PRUNE2: variants seen among roughly 807,000 people sequenced by gnomAD.
PRUNE2 encodes prune homolog 2 with BCH domain, also known as protein prune homolog 2.
PRUNE2 carries 164 observed loss-of-function variants against 252.0 expected under a neutral mutation model. The observed-to-expected ratio is 0.65, with a 90% CI of 0.57 to 0.74. The LOEUF is 0.74. Among genes scored for constraint, PRUNE2 ranks in the 30% least tolerant of loss-of-function variants. PRUNE2 has a pLI of 0.00. For missense variants in PRUNE2, 3,495 were observed against 3,711.0 expected, an observed-to-expected ratio of 0.94 and a Z score of 1.51; for synonymous variants, 1,292 against 1,350.2, an observed-to-expected ratio of 0.96 and a Z score of 0.94.
intron 6 of PRUNE2, among the ~76,000 whole-genome samples, chr9:76,719,830 A>T (rs571660664): frequency 1.6e-3 from 248 of 152,070 alleles, no homozygotes; most frequent in African/African-American, 5.6e-3. Context: ...TATTTTTTGT[A>T]GAGACAGGGT....
intron 6 of PRUNE2, chr9:76,785,706 G>A (rs549699850): frequency 1.3e-5 from 2 of 152,020 alleles, no homozygotes; most frequent in South Asian, 2.1e-4. Context: ...TTTACAAAGA[G>A]CTACTCAGGA....
chr9:76,897,867 G>A (rs1447286193), intron 1 of PRUNE2, among the ~76,000 whole-genome samples: 1 of 152,202 alleles, frequency 6.6e-6, no homozygotes, highest in East Asian at 1.9e-4. Context: ...TAACTGAATT[G>A]CAAGACAGCT....
At chr9:76,750,113 G>A (rs1035301621) in intron 6 of PRUNE2, among the ~76,000 whole-genome samples, 1 of 152,026 alleles carries the variant, frequency 6.6e-6, no homozygotes, top group Non-Finnish European at 1.5e-5. Flanking sequence ...GACCCTTCTC[G>A]ACCCCTAGGT....
intron 10 of PRUNE2, among the ~76,000 whole-genome samples, chr9:76,653,874 G>A (rs534118337): frequency 3.3e-5 from 5 of 152,178 alleles, no homozygotes; most frequent in East Asian, 1.9e-4. Context: ...GCATCTTCCC[G>A]CTCAGCTGCC....
At chr9:76,687,812 C>T (rs1181164540) in intron 9 of PRUNE2, among the ~76,000 whole-genome samples, 2 of 150,010 alleles carry the variant, frequency 1.3e-5, no homozygotes, top group East Asian at 1.9e-4. Context: ...CAGGTTCACA[C>T]AAAACAGCAC....
At chr9:76,753,363 G>T (rs2050798063) in intron 6 of PRUNE2, among the ~76,000 whole-genome samples, 1 of 152,112 alleles carries the variant, frequency 6.6e-6, no homozygotes, top group African/African-American at 2.4e-5. Flanking sequence ...ACTAAAGGAT[G>T]CAATTTATAT....
At position 76,836,421 on chromosome 9, in the gene PRUNE2, A is replaced by G. The variant is rs144948479; in HGVS notation, c.509-9689T>C. ...CAAGAACAGGAGAAGGAGAAAAGAG[A>G]GAAGAGAAAGAAAGCAAAGAAACAA... is the stretch of plus-strand genomic sequence containing the variant. On this transcript the variant is annotated intron_variant, in intron 4 of 18. Coordinates refer to ENST00000376718, the MANE Select transcript of PRUNE2 (RefSeq NM_015225.3). Among the ~76,000 whole-genome samples, 380 of 150,666 alleles carry G rather than the reference A, an allele frequency of 2.5e-3. 1 individual carries two copies. In the Middle Eastern group the frequency reaches 0.032, roughly 13 times the overall value.
At chr9:76,846,738 GAATGTTTA>G (rs2059689994) in intron 3 of PRUNE2, 60 bp from the exon 4 acceptor site, 2 of 1,462,384 alleles carry the variant, frequency 1.4e-6, no homozygotes, top group African/African-American at 2.8e-5. Context: ...TTACTTTTTG[GAATGTTTA>G]AATCTCTGCT....
rs770002275 is a variant in PRUNE2 at position 76,638,259 on chromosome 9, T to C, written c.8758A>G (p.Ile2920Val). ...GYYGDGLNAI[I>V]VFAACFLPDS... ...GGCAGAAAACAGGCGGCAAACACAA[T>C]GATGGCATTTAGACCGTCCCCATAG... The change falls in exon 13 of 19, where the codon ATT becomes GTT. Residue 2920 changes from isoleucine to valine, a missense_variant. By Grantham distance (29) the Ile-to-Val change is conservative. Transcript: ENST00000376718. The C allele has an allele frequency of 6.2e-7, 1 of 1,613,728 alleles. No individual in the cohort carries two copies. Among genetic ancestry groups the C allele is most frequent in the Non-Finnish European group, 8.5e-7 (1 of 1,179,730 alleles).
chr9:76,770,787 T>C (rs1031196955), intron 6 of PRUNE2, among the ~76,000 whole-genome samples: 2 of 152,194 alleles, frequency 1.3e-5, no homozygotes, highest in Admixed American at 1.3e-4. Context: ...TCATTCCAAA[T>C]AGCAAAGGGA....
At chr9:76,647,633 TGAG>T (rs1845491273) in intron 11 of PRUNE2, among the ~76,000 whole-genome samples, 1 of 152,138 alleles carries the variant, frequency 6.6e-6, no homozygotes, top group Non-Finnish European at 1.5e-5. Flanking sequence ...ACATATCTGA[TGAG>T]GACTGTTATC....
At chr9:76,865,502 C>T (rs548235568) in intron 1 of PRUNE2, among the ~76,000 whole-genome samples, 13 of 152,252 alleles carry the variant, frequency 8.5e-5, no homozygotes, top group South Asian at 8.3e-4. Flanking sequence ...TACAGCTCAG[C>T]CAACTGAGAT....
At chr9:76,635,690 A>C (rs35916631) in intron 15 of PRUNE2, among the ~76,000 whole-genome samples, 31,639 of 152,134 alleles carry the variant, frequency 0.21, 3,442 homozygotes, top group Non-Finnish European at 0.23. Flanking sequence ...CCAGAAGCAA[A>C]GTTATCAGAA....
chr9:76,777,341 A>G (rs1416087220), intron 6 of PRUNE2, among the ~76,000 whole-genome samples: 1 of 152,128 alleles, frequency 6.6e-6, no homozygotes, highest in Non-Finnish European at 1.5e-5. Flanking sequence ...TATAATAAGC[A>G]CAGGAATGGT....
rs541741013 is a variant in PRUNE2, at chr9:76,762,388, G to T, written c.757-48667C>A. Among the ~76,000 whole-genome samples, 16 of 152,340 alleles carry T rather than the reference G, an allele frequency of 1.1e-4. No homozygotes were observed. The South Asian group carries it at 3.1e-3, about 30-fold the overall frequency. On this transcript the variant is annotated intron_variant, in intron 6 of 18. Coordinates refer to ENST00000376718, the MANE Select transcript of PRUNE2 (RefSeq NM_015225.3). The stretch of plus-strand genomic sequence containing the variant: ...AAGGGAGGCAGGAATGGCGGTTGCA[G>T]AAATGTGCGCAGAGAGAGCAACTAC...
chr9:76,880,959 AT>A (rs1212200598), intron 1 of PRUNE2, among the ~76,000 whole-genome samples: 298 of 137,108 alleles, frequency 2.2e-3, no homozygotes, highest in Middle Eastern at 0.015. Context: ...ATCCTTGTTA[AT>A]TTTTTTTTTT....
chr9:76,657,257 A>G (rs1834332), intron 9 of PRUNE2, among the ~76,000 whole-genome samples: 48,847 of 152,108 alleles, frequency 0.32, 9,832 homozygotes, highest in African/African-American at 0.57. Context: ...ACCACTTACT[A>G]TGTTGGATTG....
chr9:76,630,980 A>G (rs1302682120), intron 15 of PRUNE2, among the ~76,000 whole-genome samples: 1 of 152,214 alleles, frequency 6.6e-6, no homozygotes, highest in Non-Finnish European at 1.5e-5. Context: ...TTCAACTACT[A>G]TGCATTCTAG....
chr9:76,707,105 A>G lies in PRUNE2; in HGVS notation c.5169T>C (p.Ser1723=). Residue 1723 remains serine (S), a synonymous_variant, in exon 8 of 19, where the codon TCT becomes TCC. Transcript: ENST00000376718. The part of the protein sequence containing the change: ...ESRAWDSLNE[S]NKFLVTADPK... Reference sequence around the variant, plus strand: ...GATCAGCTGTGACCAAGAACTTATTAGATTCATTCAATGAATCCCAAGCTC... The same window carrying G: ...GATCAGCTGTGACCAAGAACTTATTGGATTCATTCAATGAATCCCAAGCTC... The G allele has an allele frequency of 1.2e-6, 2 of 1,613,966 alleles. No homozygotes were observed. Among genetic ancestry groups the G allele is most frequent in the South Asian group, 2.2e-5 (2 of 91,080 alleles).
Sources: gnomAD v4.1 joint callset for allele counts (sites outside exome capture counted in the v4.1 genomes callset) on GRCh38, gnomAD v4.1.1 for gene constraint, MANE v1.5 for transcripts, NCBI Gene and HGNC (gene_info 2026-07-23, HGNC 2026-07-21) for gene names.